KAT2B: variants seen among roughly 807,000 people sequenced by gnomAD.
KAT2B encodes the protein histone acetyltransferase KAT2B.
Under a neutral mutation model 105.9 loss-of-function variants are expected in KAT2B, and 36 were observed. The observed-to-expected ratio is 0.34, with a 90% CI of 0.26 to 0.45. KAT2B has a LOEUF of 0.45. Among genes scored for constraint, KAT2B ranks in the 20% least tolerant of loss-of-function variants. The pLI is 1.00. For missense variants in KAT2B, 820 were observed against 1,021.6 expected (o/e 0.80, Z 2.69); for synonymous variants, 397 against 377.9 (o/e 1.05, Z -0.59).
At chr3:20,138,557 G>A (rs558248537) in intron 12 of KAT2B, among the ~76,000 whole-genome samples, 1 of 152,094 alleles carries the variant, frequency 6.6e-6, no homozygotes, top group South Asian at 2.1e-4. Flanking sequence ...GTGTATAAGG[G>A]GGTCAGGAAA....
intron 1 of KAT2B, among the ~76,000 whole-genome samples, chr3:20,051,199 CAA>C (rs61279125): frequency 2.6e-5 from 3 of 113,508 alleles, no homozygotes; most frequent in Non-Finnish European, 1.8e-5. Flanking sequence ...TACTCTGTCT[CAA>C]AAAAAAAAAA....
Position 20,099,911 on chromosome 3 carries a change from C to G in KAT2B, c.626C>G (p.Ser209Cys). 1 of 1,609,140 alleles carries G rather than the reference C, an allele frequency of 6.2e-7. No individual in the cohort carries two copies. The highest frequency in any genetic ancestry group is 8.5e-7 in the Non-Finnish European group (1 of 1,176,038). Residue 209 changes from serine to cysteine, a missense_variant, in exon 4 of 18, where the codon TCT (serine) becomes TGT (cysteine). Ser to Cys is a moderately radical substitution (Grantham distance 112). This residue lies in a region of KAT2B where 173 missense variants were observed against 249.5 expected (regional missense o/e 0.69). Transcript: ENST00000263754. Reference protein sequence around the residue: ...LQRGKPVVEGSLEKKPPFEKP... With the variant: ...LQRGKPVVEGCLEKKPPFEKP... ...AGAGGAAAACCTGTGGTTGAAGGCT[C>G]TTTGGAAAAGAAACCCCCATTTGAA...
chr3:20,056,152 A>G (rs1698000447), intron 1 of KAT2B, among the ~76,000 whole-genome samples: 1 of 152,198 alleles, frequency 6.6e-6, no homozygotes, highest in South Asian at 2.1e-4. Flanking sequence ...AAAGAGGGCC[A>G]GTTGGAAGTT....
At chr3:20,097,739 G>A (rs1196859400) in intron 3 of KAT2B, among the ~76,000 whole-genome samples, 1 of 151,906 alleles carries the variant, frequency 6.6e-6, no homozygotes, top group African/African-American at 2.4e-5. Flanking sequence ...GTTTCACATT[G>A]TCGGCCACGC....
chr3:20,062,677 G>T (rs755077493), intron 1 of KAT2B, among the ~76,000 whole-genome samples: 5 of 151,736 alleles, frequency 3.3e-5, no homozygotes, highest in South Asian at 2.1e-4. Flanking sequence ...TGCCAGACTG[G>T]TCTTGCATTC....
chr3:20,088,107 T>C (rs1387078196), intron 2 of KAT2B, among the ~76,000 whole-genome samples: 1 of 152,204 alleles, frequency 6.6e-6, no homozygotes, highest in African/African-American at 2.4e-5. Flanking sequence ...CTGAATAGTA[T>C]TTGATTGTGT....
At chr3:20,122,604 G>C in intron 8 of KAT2B, 64 bp from the exon 9 acceptor site, 1 of 1,294,876 alleles carries the variant, frequency 7.7e-7, no homozygotes. Context: ...AAATTAGTTG[G>C]CGTGTATTAT....
intron 1 of KAT2B, among the ~76,000 whole-genome samples, chr3:20,061,889 ATG>A (rs1698109500): frequency 8.1e-6 from 1 of 123,614 alleles, no homozygotes; most frequent in Non-Finnish European, 1.6e-5. Flanking sequence ...TGTATAAAAT[ATG>A]TATTATATAT....
intron 1 of KAT2B, among the ~76,000 whole-genome samples, chr3:20,057,308 A>G (rs1307476092): frequency 6.6e-6 from 1 of 152,164 alleles, no homozygotes; most frequent in East Asian, 1.9e-4. Flanking sequence ...GCAGTTAGAA[A>G]TGAGGGCTGG....
At position 20,122,807 on chromosome 3, in the gene KAT2B, C is replaced by T; in HGVS notation, c.1413+3C>T. 1 of 1,608,828 alleles carries T rather than the reference C, an allele frequency of 6.2e-7. No homozygotes were observed. Among genetic ancestry groups the T allele is most frequent in the Non-Finnish European group, 8.5e-7 (1 of 1,176,774 alleles). On this transcript the variant is annotated splice_donor_region_variant and intron_variant, in intron 9 of 17. Coordinates refer to ENST00000263754, the MANE Select transcript of KAT2B (RefSeq NM_003884.5). ...CTGCAGCAATGCTTGGACCAGAGGT[C>T]AGCAGGGTAAACCTGGGCAGCCAGC...
At chr3:20,060,078 T>C (rs189045485) in intron 1 of KAT2B, among the ~76,000 whole-genome samples, 65 of 152,368 alleles carry the variant, frequency 4.3e-4, no homozygotes, top group Non-Finnish European at 8.7e-4. Context: ...TATCTTTCAT[T>C]GCAAGTAATA....
Position 20,100,162 on chromosome 3 carries a change from C to T in KAT2B, c.669+208C>T, listed in dbSNP as rs1329546149. Among the ~76,000 whole-genome samples, 3 of 152,108 alleles carry T rather than the reference C, an allele frequency of 2.0e-5. No individual in the cohort carries two copies. The East Asian group carries it at 5.8e-4, about 29-fold the overall frequency. ...TAGCTTTTGCCTTTTAGGGTTGTTA[C>T]ATACTCACAGTTTACTGTGTGTTTG... On this transcript the variant is annotated intron_variant, in intron 4 of 17. Transcript: ENST00000263754.
intron 5 of KAT2B, among the ~76,000 whole-genome samples, chr3:20,105,011 A>G (rs1198802445): frequency 6.6e-6 from 1 of 151,204 alleles, no homozygotes; most frequent in East Asian, 2.0e-4. Flanking sequence ...TTAGCCTCCC[A>G]AGTAGCTAGG....
chr3:20,073,218 C>G (rs1462303625), intron 2 of KAT2B, among the ~76,000 whole-genome samples: 1 of 152,182 alleles, frequency 6.6e-6, no homozygotes, highest in African/African-American at 2.4e-5. Context: ...ACTATTCTTA[C>G]TTTCCTGCCT....
At chr3:20,054,179 C>T (rs1697965554) in intron 1 of KAT2B, among the ~76,000 whole-genome samples, 1 of 150,786 alleles carries the variant, frequency 6.6e-6, no homozygotes, top group Non-Finnish European at 1.5e-5. Context: ...ACCTAGGCTG[C>T]AGTGCAGTGG....
At chr3:20,138,386 C>A (rs917154340) in intron 12 of KAT2B, among the ~76,000 whole-genome samples, 11 of 110,052 alleles carry the variant, frequency 1.0e-4, no homozygotes, top group Non-Finnish European at 1.5e-4. Context: ...AATATTTAAC[C>A]AATACATTTT....
chr3:20,070,110 A>T (rs1194051900), intron 1 of KAT2B, among the ~76,000 whole-genome samples: 2 of 152,050 alleles, frequency 1.3e-5, no homozygotes, highest in Admixed American at 1.3e-4. Context: ...TGGGGGATGT[A>T]GCTATGGGGA....
intron 2 of KAT2B, among the ~76,000 whole-genome samples, chr3:20,081,258 C>T (rs1226866429): frequency 6.6e-6 from 1 of 152,192 alleles, no homozygotes; most frequent in Non-Finnish European, 1.5e-5. Flanking sequence ...GTTCACACTG[C>T]AGGGCATGTG....
At chr3:20,108,952 A>G (rs754753642) in intron 5 of KAT2B, among the ~76,000 whole-genome samples, 6 of 152,150 alleles carry the variant, frequency 3.9e-5, no homozygotes, top group Non-Finnish European at 8.8e-5. Context: ...AGCCATGGAA[A>G]AATTGTCTCT....
Sources: gnomAD v4.1 joint callset for allele counts (sites outside exome capture counted in the v4.1 genomes callset) on GRCh38, gnomAD v4.1.1 for gene constraint, gnomAD v4.1.1 regional missense constraint, MANE v1.5 for transcripts, NCBI Gene and HGNC (gene_info 2026-07-23, HGNC 2026-07-21) for gene names.